GALNTL6: variants seen among roughly 807,000 people sequenced by gnomAD.
The protein encoded by GALNTL6 is polypeptide N-acetylgalactosaminyltransferase-like 6.
In GALNTL6, 46 loss-of-function variants were observed where a neutral mutation model predicts 73.7. The ratio of observed to expected loss-of-function variants is 0.62; its 90% CI spans 0.49 to 0.80. The LOEUF is 0.80. GALNTL6 is among the 30% of genes least tolerant of loss of function. The pLI, the probability that GALNTL6 is intolerant of heterozygous loss-of-function variation, is 0.00. For synonymous variants in GALNTL6, 259 were observed against 263.7 expected (o/e 0.98, Z 0.17); for missense variants, 604 against 755.0 (o/e 0.80, Z 2.34).
intron 2 of GALNTL6, among the ~76,000 whole-genome samples, chr4:171,885,861 T>C (rs1264675786): frequency 6.6e-6 from 1 of 152,172 alleles, no homozygotes; most frequent in Non-Finnish European, 1.5e-5. Context: ...ATATTAGTAT[T>C]GATTTTAAAT....
intron 2 of GALNTL6, among the ~76,000 whole-genome samples, chr4:171,939,664 G>C (rs1046629369): frequency 6.6e-6 from 1 of 151,740 alleles, no homozygotes; most frequent in Non-Finnish European, 1.5e-5. Flanking sequence ...AGAACAATAC[G>C]TTTTACAGAT....
intron 2 of GALNTL6, among the ~76,000 whole-genome samples, chr4:172,119,907 C>T (rs1407376600): frequency 1.3e-5 from 2 of 152,150 alleles, no homozygotes; most frequent in African/African-American, 2.4e-5. Context: ...ATTTAAGCTA[C>T]ATGACTTAAA....
At chr4:173,020,302 T>C (rs1359697329) in intron 11 of GALNTL6, among the ~76,000 whole-genome samples, 4 of 152,190 alleles carry the variant, frequency 2.6e-5, no homozygotes, top group South Asian at 2.1e-4. Flanking sequence ...ATTTTTAATA[T>C]AATAGAATGG....
At chr4:172,852,444 G>A (rs764313476) in intron 7 of GALNTL6, among the ~76,000 whole-genome samples, 31 of 152,102 alleles carry the variant, frequency 2.0e-4, no homozygotes, top group Non-Finnish European at 4.3e-4. Context: ...ATTCAGTCAC[G>A]ATCACAACTA....
chr4:171,912,422 T>C (rs1297911728), intron 2 of GALNTL6, among the ~76,000 whole-genome samples: 1 of 152,220 alleles, frequency 6.6e-6, no homozygotes, highest in East Asian at 1.9e-4. Context: ...TTCTTTTCTA[T>C]TGATATACAA....
chr4:172,459,875 A>T (rs1732549034), intron 5 of GALNTL6, among the ~76,000 whole-genome samples: 1 of 152,224 alleles, frequency 6.6e-6, no homozygotes, highest in Non-Finnish European at 1.5e-5. Flanking sequence ...TTTAAATTTC[A>T]TATGAGACCA....
chr4:172,098,223 T>C (rs866507037), intron 2 of GALNTL6, among the ~76,000 whole-genome samples: 1 of 152,102 alleles, frequency 6.6e-6, no homozygotes, highest in Non-Finnish European at 1.5e-5. Context: ...AGGATATCTA[T>C]AGGATATGTA....
At chr4:172,795,067 C>A (rs550941126) in intron 5 of GALNTL6, among the ~76,000 whole-genome samples, 1 of 152,176 alleles carries the variant, frequency 6.6e-6, no homozygotes, top group African/African-American at 2.4e-5. Context: ...AACTCCTTCA[C>A]AAAATCCCTC....
intron 2 of GALNTL6, among the ~76,000 whole-genome samples, chr4:171,904,511 C>T (rs894046754): frequency 2.6e-5 from 4 of 152,128 alleles, no homozygotes; most frequent in African/African-American, 7.2e-5. Context: ...ACCAAATCTG[C>T]GTCTGATTGG....
At chr4:172,197,462 A>C (rs1459724510) in intron 2 of GALNTL6, among the ~76,000 whole-genome samples, 1 of 152,294 alleles carries the variant, frequency 6.6e-6, no homozygotes, top group East Asian at 1.9e-4. Context: ...ATATCAAACC[A>C]AAAAAGAATC....
At chr4:172,439,837 C>A (rs545512463) in intron 5 of GALNTL6, among the ~76,000 whole-genome samples, 12 of 152,052 alleles carry the variant, frequency 7.9e-5, no homozygotes, top group African/African-American at 2.4e-4. Context: ...TCCCGTATAC[C>A]CTTTGCCCAG....
chr4:172,755,852 A>C (rs947160281), intron 5 of GALNTL6, among the ~76,000 whole-genome samples: 4 of 152,190 alleles, frequency 2.6e-5, no homozygotes, highest in African/African-American at 9.6e-5. Context: ...CCTTGAATTC[A>C]CCATATTCAT....
intron 3 of GALNTL6, among the ~76,000 whole-genome samples, chr4:172,261,744 A>T (rs571334807): frequency 1.7e-4 from 26 of 151,352 alleles, no homozygotes; most frequent in Admixed American, 1.3e-3. Context: ...AATGCTATGA[A>T]CTTTCCTCTG....
At chr4:172,436,428 C>G (rs912606136) in intron 5 of GALNTL6, among the ~76,000 whole-genome samples, 12 of 152,096 alleles carry the variant, frequency 7.9e-5, no homozygotes, top group South Asian at 4.1e-4. Flanking sequence ...CACTGTGGTT[C>G]TCCCCAGGAG....
In GALNTL6 at chr4:171,927,027, A is replaced by AT. The variant is rs34143924; in HGVS notation, c.138+112319dup. ...TTTAGTTTATTTTAACCTATACGTA[A>AT]TTTTTTTTTTCTGTTGAGTGTTAAG... is the stretch of plus-strand genomic sequence containing the variant. On this transcript the variant is annotated intron_variant, in intron 2 of 12. Transcript: ENST00000506823. 2.3e-3 allele frequency among the ~76,000 whole-genome samples: 340 copies of AT among 149,070 alleles called. 1 individual carries two copies. The highest frequency in any genetic ancestry group is 4.2e-3 in the Non-Finnish European group (284 of 67,064).
chr4:171,836,391 T>C (rs1247607437), intron 2 of GALNTL6, among the ~76,000 whole-genome samples: 2 of 152,066 alleles, frequency 1.3e-5, no homozygotes, highest in African/African-American at 4.8e-5. Context: ...CAAGTCAGTA[T>C]ATTTTTATTT....
intron 2 of GALNTL6, among the ~76,000 whole-genome samples, chr4:171,845,825 T>C (rs1278924361): frequency 6.6e-6 from 1 of 152,304 alleles, no homozygotes. Flanking sequence ...TTGAGGTTTC[T>C]TTGTGACAAC....
At chr4:172,991,873 C>T (rs752106067) in intron 10 of GALNTL6, among the ~76,000 whole-genome samples, 12 of 152,154 alleles carry the variant, frequency 7.9e-5, no homozygotes, top group Admixed American at 1.3e-4. Context: ...GAGCCCAGTT[C>T]CGGCCCTGCA....
chr4:172,109,492 G>T (rs1732791894), intron 2 of GALNTL6, among the ~76,000 whole-genome samples: 2 of 152,212 alleles, frequency 1.3e-5, no homozygotes, highest in African/African-American at 4.8e-5. Flanking sequence ...CCATTTGTTA[G>T]CCATTCATCT....
Sources: gnomAD v4.1 joint callset for allele counts (sites outside exome capture counted in the v4.1 genomes callset) on GRCh38, gnomAD v4.1.1 for gene constraint, MANE v1.5 for transcripts, NCBI Gene and HGNC (gene_info 2026-07-23, HGNC 2026-07-21) for gene names.